ADCY9: variants seen among roughly 807,000 people sequenced by gnomAD.
ADCY9 encodes the protein adenylate cyclase type 9.
ADCY9 carries 50 observed loss-of-function variants against 101.5 expected under a neutral mutation model. The ratio of observed to expected loss-of-function variants is 0.49; its 90% CI spans 0.39 to 0.62. ADCY9 has a LOEUF of 0.62. Among genes scored for constraint, ADCY9 ranks in the 20% least tolerant of loss-of-function variants. ADCY9 has a pLI of 0.00. For missense variants in ADCY9, 1,662 were observed against 1,800.4 expected, an observed-to-expected ratio of 0.92 and a Z score of 1.39; for synonymous variants, 905 against 769.3, an observed-to-expected ratio of 1.18 and a Z score of -2.92.
At chr16:4,099,513 A>G (rs190548712) in intron 2 of ADCY9, among the ~76,000 whole-genome samples, 3 of 152,324 alleles carry the variant, frequency 2.0e-5, no homozygotes, top group Non-Finnish European at 4.4e-5. Flanking sequence ...AATTAATGAG[A>G]TTTTAATACC....
intron 2 of ADCY9, among the ~76,000 whole-genome samples, chr16:4,083,682 G>A (rs1487605427): frequency 6.6e-6 from 1 of 152,218 alleles, no homozygotes; most frequent in Non-Finnish European, 1.5e-5. Flanking sequence ...CCATGAAAAG[G>A]AAGAAAGCAC....
chr16:4,063,532 G>C (rs2056784186), intron 2 of ADCY9, among the ~76,000 whole-genome samples: 1 of 152,010 alleles, frequency 6.6e-6, no homozygotes, highest in Non-Finnish European at 1.5e-5. Flanking sequence ...AATATAGTGA[G>C]ACCCTGTGTC....
At chr16:4,001,008 C>CACACACACACACACAT (rs3222326) in intron 3 of ADCY9, among the ~76,000 whole-genome samples, 12 of 135,714 alleles carry the variant, frequency 8.8e-5, no homozygotes, top group South Asian at 4.6e-4. Flanking sequence ...CACACACACA[C>CACACACACACACACAT]ATATATAATT....
At position 3,995,153 on chromosome 16, in the gene ADCY9, G is replaced by A. The variant is rs936527822; in HGVS notation, c.1885-1643C>T. Among the ~76,000 whole-genome samples the A allele has an allele frequency of 2.0e-5, 3 of 152,246 alleles. No individual in the cohort carries two copies. In the South Asian group the frequency reaches 6.2e-4, roughly 32 times the overall value. On this transcript the variant is annotated intron_variant, in intron 3 of 10. Coordinates refer to ENST00000294016, the MANE Select transcript of ADCY9 (RefSeq NM_001116.4). ...ATGTTGCTAAGAATTAAATGAAATT[G>A]GCTGGGTGTGGCGGCTGTAATCCCA...
intron 2 of ADCY9, among the ~76,000 whole-genome samples, chr16:4,055,327 G>A (rs903292037): frequency 5.9e-5 from 9 of 152,302 alleles, no homozygotes; most frequent in African/African-American, 2.2e-4. Context: ...GAGGTCAGGA[G>A]TTCAAGACCA....
intron 6 of ADCY9, among the ~76,000 whole-genome samples, chr16:3,988,122 C>T (rs1425485105): frequency 6.6e-6 from 1 of 152,096 alleles, no homozygotes; most frequent in African/African-American, 2.4e-5. Flanking sequence ...TCCAGAACCA[C>T]ACACGGAAAG....
At position 4,097,543 on chromosome 16, in the gene ADCY9, ATATATATATATT is replaced by A. The variant is rs1209807861; in HGVS notation, c.1693+16195_1693+16206del. Among the ~76,000 whole-genome samples the A allele has an allele frequency of 7.6e-5, 4 of 52,370 alleles. 1 individual carries two copies. The highest frequency in any genetic ancestry group is 3.5e-4 in the African/African-American group (4 of 11,312). The allele number at this position is 52,370 out of a possible 152,430, so 34.4% of individuals were successfully genotyped here. ...TACATATGTACATATATATATATAT[ATATATATATATT>A]TTTTTTTTTTTTTTTTAAGACAGAG... On this transcript the variant is annotated intron_variant, in intron 2 of 10. Transcript: ENST00000294016.
chr16:4,059,949 G>C (rs1396323781), intron 2 of ADCY9, among the ~76,000 whole-genome samples: 1 of 152,288 alleles, frequency 6.6e-6, no homozygotes, highest in East Asian at 1.9e-4. Context: ...TTGAGTTAGA[G>C]CGGTGGTGTT....
In ADCY9 at chr16:3,992,809, C is replaced by T. The variant is rs60392977; in HGVS notation, c.1990-446G>A. The stretch of plus-strand genomic sequence containing the variant: ...AAGGTGGATGGAAACGGGCTCGTGT[C>T]GTGGGTGTCCCCCGTGGCTGTGGGA... On this transcript the variant is annotated intron_variant, in intron 4 of 10. Coordinates refer to ENST00000294016, the MANE Select transcript of ADCY9 (RefSeq NM_001116.4). The surrounding 1 kb of genome is among the most constrained non-coding windows in gnomAD (Gnocchi z 4.2). Among the ~76,000 whole-genome samples the T allele has an allele frequency of 0.18, 26,973 of 152,018 alleles. 2,724 individuals carry two copies. The highest frequency in any genetic ancestry group is 0.28 in the Admixed American group (4,236 of 15,278).
intron 3 of ADCY9, among the ~76,000 whole-genome samples, chr16:3,998,736 G>A (rs58664422): frequency 0.041 from 1,968 of 47,454 alleles, 3 homozygotes; most frequent in African/African-American, 0.054. Flanking sequence ...AAAAAAAAAA[G>A]AAAAGAAAGA....
chr16:4,015,395 A>G (rs1489686297), intron 2 of ADCY9, among the ~76,000 whole-genome samples: 1 of 152,082 alleles, frequency 6.6e-6, no homozygotes, highest in Non-Finnish European at 1.5e-5. Context: ...GTTTACTAGC[A>G]CGAGCCTTCA....
intron 2 of ADCY9, among the ~76,000 whole-genome samples, chr16:4,084,538 C>T (rs1251904271): frequency 2.6e-5 from 4 of 151,986 alleles, no homozygotes; most frequent in African/African-American, 9.7e-5. Flanking sequence ...CCAGACTGGA[C>T]AACACAGTGA....
intron 10 of ADCY9, among the ~76,000 whole-genome samples, chr16:3,967,362 G>C (rs1181631472): frequency 6.6e-6 from 1 of 151,160 alleles, no homozygotes; most frequent in Non-Finnish European, 1.5e-5. Context: ...TTTTTTAGAA[G>C]TCTTTAGCTT....
chr16:3,991,314 G>A (rs1186686963), intron 5 of ADCY9, among the ~76,000 whole-genome samples: 2 of 152,164 alleles, frequency 1.3e-5, no homozygotes, highest in East Asian at 3.8e-4. Context: ...TCACTAATGA[G>A]GAACAGACGG....
At chr16:3,958,445 C>T (rs2055919355), downstream of ADCY9, among the ~76,000 whole-genome samples, 1 of 145,950 alleles carries the variant, frequency 6.9e-6, no homozygotes, top group Admixed American at 7.2e-5. Flanking sequence ...GAGGCTGAGG[C>T]AGAAGAATCA....
chr16:3,992,265 C>A lies in ADCY9; in HGVS notation c.2088G>T (p.Leu696Phe). ...TNSQTSLCEI[L>F]QEKGRWAGVS... ...CCCCTGCCCACCTTCCCTTCTCCTG[C>A]AAGATCTCACACAGAGAAGTCTGAC... The change falls in exon 5 of 11, where the codon TTG becomes TTT. Residue 696 changes from leucine to phenylalanine, a missense_variant. This residue lies in a region of ADCY9 where 624 missense variants were observed against 639.1 expected (regional missense o/e 0.98). Coordinates refer to ENST00000294016, the MANE Select transcript of ADCY9 (RefSeq NM_001116.4). The surrounding 1 kb of genome is among the most constrained non-coding windows in gnomAD (Gnocchi z 4.2). 5 of 1,614,224 alleles carry A rather than the reference C, an allele frequency of 3.1e-6. No individual in the cohort carries two copies. In the South Asian group the frequency reaches 4.4e-5, roughly 14 times the overall value.
At chr16:4,101,052 T>A (rs2057039956) in intron 2 of ADCY9, among the ~76,000 whole-genome samples, 1 of 152,214 alleles carries the variant, frequency 6.6e-6, no homozygotes, top group Non-Finnish European at 1.5e-5. Context: ...AGAACTTGTA[T>A]TTTCTCATTT....
intron 2 of ADCY9, among the ~76,000 whole-genome samples, chr16:4,087,105 T>C (rs983074214): frequency 6.6e-6 from 1 of 152,090 alleles, no homozygotes; most frequent in Non-Finnish European, 1.5e-5. Context: ...ATTCTATTAA[T>C]GTGAAATCCA....
intron 3 of ADCY9, among the ~76,000 whole-genome samples, chr16:4,006,976 T>G (rs1303949867): frequency 6.6e-6 from 1 of 152,200 alleles, no homozygotes; most frequent in Non-Finnish European, 1.5e-5. Context: ...GACGTAGAAG[T>G]ATTTGAGAAA....
Sources: gnomAD v4.1 joint callset for allele counts (sites outside exome capture counted in the v4.1 genomes callset) on GRCh38, gnomAD v4.1.1 for gene constraint, gnomAD v4.1.1 regional missense constraint, Gnocchi (gnomAD v3.1) non-coding constraint, MANE v1.5 for transcripts, NCBI Gene and HGNC (gene_info 2026-07-23, HGNC 2026-07-21) for gene names.